The following ACOT9 variants were observed in gnomAD, a reference collection of about 807,000 sequenced individuals.
The protein encoded by ACOT9 is acyl-coenzyme A thioesterase 9, mitochondrial.
ACOT9 carries 34 observed loss-of-function variants against 39.7 expected under a neutral mutation model. The ratio of observed to expected loss-of-function variants is 0.86; its 90% CI spans 0.65 to 1.14. ACOT9 has a LOEUF of 1.14. ACOT9 is among the 50% of genes most tolerant of loss of function. The probability of loss-of-function intolerance (pLI) is 0.00; values close to 1 mark genes in which losing one functional copy is unlikely to be tolerated. For synonymous variants in ACOT9, 110 were observed against 120.5 expected, an observed-to-expected ratio of 0.91 and a Z score of 0.57; for missense variants, 313 against 344.1, an observed-to-expected ratio of 0.91 and a Z score of 0.71.
At chrX:23,713,578 G>A (rs1928979485) in intron 8 of ACOT9, among the ~76,000 whole-genome samples, 1 of 107,208 alleles carries the variant, frequency 9.3e-6, no homozygotes, top group Non-Finnish European at 1.9e-5. Context: ...AAAAAAGAGA[G>A]AGAGAGAGAG....
At chrX:23,719,939 C>G (rs1160962570) in intron 8 of ACOT9, among the ~76,000 whole-genome samples, 5 of 111,523 alleles carry the variant, frequency 4.5e-5, no homozygotes, top group Non-Finnish European at 9.4e-5. Context: ...TGGGTTCACG[C>G]CATTCTCCTG....
At position 23,707,634 on chromosome X, in the gene ACOT9, G is replaced by A. The variant is rs1005802519; in HGVS notation, c.730+243C>T. ...CACCTGTAGTCCCAGCTACTCAGGA[G>A]GCTGGGGCAGAAGAATCACTTGAAC... On this transcript the variant is annotated intron_variant, in intron 10 of 15. Coordinates refer to ENST00000379303, the MANE Select transcript of ACOT9 (RefSeq NM_001037171.2). The A allele has an allele frequency of 9.0e-5, 19 of 210,566 alleles. No homozygotes were observed. In the Admixed American group the frequency reaches 1.1e-3, roughly 12 times the overall value. The allele number at this position is 210,566 out of a possible 1,213,427, so 17.4% of individuals were successfully genotyped here.
rs1293379194 is a variant in ACOT9, at chrX:23,707,941, C to T, written c.666G>A (p.Pro222=). The part of the protein sequence containing the change: ...MVARDSENKG[P]AFVNPLIPES... The stretch of plus-strand genomic sequence containing the variant: ...CAGGGATGAGTGGATTTACAAATGC[C>T]GGCCTAAAAAGAAGAAAAAAAAGAA... The change falls in exon 10 of 16, where the codon CCG becomes CCA. Residue 222 remains proline (P), a synonymous_variant. Transcript: ENST00000379303. The T allele has an allele frequency of 5.0e-6, 6 of 1,193,880 alleles. No homozygotes were observed. In the African/African-American group the frequency reaches 5.3e-5, roughly 11 times the overall value.
At position 23,730,824 on chromosome X, in the gene ACOT9, G is replaced by A; in HGVS notation, c.354C>T (p.Asn118=). 8.3e-7 allele frequency: 1 copy of A among 1,204,025 alleles called. No homozygotes were observed. The highest frequency in any genetic ancestry group is 2.2e-5 in the Admixed American group (1 of 44,626). Reference sequence around the variant, plus strand: ...AAATAGCACTGTGTTACCTTACGGTGTTTTGAACAGTCAAATATTTCTCTC... The same window carrying A: ...AAATAGCACTGTGTTACCTTACGGTATTTTGAACAGTCAAATATTTCTCTC... ...ELREKYLTVQ[N]TVRFGRILED... Residue 118 remains asparagine, a synonymous_variant, in exon 5 of 16, where the codon AAC becomes AAT. Transcript: ENST00000379303.
At chrX:23,731,491 A>G (rs1446465514) in intron 4 of ACOT9, among the ~76,000 whole-genome samples, 2 of 107,730 alleles carry the variant, frequency 1.9e-5, no homozygotes, top group Non-Finnish European at 3.8e-5. Flanking sequence ...AAAAAAAAAA[A>G]AGAAAACTTA....
chrX:23,717,535 T>C (rs1156831160), intron 8 of ACOT9, among the ~76,000 whole-genome samples: 1 of 111,341 alleles, frequency 9.0e-6, no homozygotes, highest in Non-Finnish European at 1.9e-5. Flanking sequence ...GAAAGAATTC[T>C]GGTGAGTTGC....
chrX:23,735,846 CTA>C, intron 2 of ACOT9, 71 bp downstream of exon 2: 2 of 946,494 alleles, frequency 2.1e-6, no homozygotes, highest in Non-Finnish European at 3.0e-6. Flanking sequence ...AACTATCACT[CTA>C]TATACCTTTC....
chrX:23,717,858 C>CA (rs1448661065), intron 8 of ACOT9, among the ~76,000 whole-genome samples: 1 of 111,802 alleles, frequency 8.9e-6, no homozygotes, highest in Non-Finnish European at 1.9e-5. Context: ...GAGGCCGAGG[C>CA]AGGCGGATCA....
At chrX:23,719,170 T>G (rs1489055323) in intron 8 of ACOT9, among the ~76,000 whole-genome samples, 2 of 110,328 alleles carry the variant, frequency 1.8e-5, no homozygotes, top group African/African-American at 6.6e-5. Flanking sequence ...CTTGGGAGGC[T>G]GAGGCATGAG....
chrX:23,726,008 G>A (rs982769157), intron 6 of ACOT9, among the ~76,000 whole-genome samples: 2 of 109,562 alleles, frequency 1.8e-5, no homozygotes, highest in Non-Finnish European at 3.8e-5. Context: ...AGACCAGCCC[G>A]GCCAACATGG....
intron 1 of ACOT9, among the ~76,000 whole-genome samples, chrX:23,740,896 T>C (rs1028522640): frequency 9.1e-6 from 1 of 109,828 alleles, no homozygotes. Flanking sequence ...GCCTTTACTG[T>C]GGAGAGGCCT....
rs1928540176 is a variant in ACOT9, at chrX:23,703,208, G to A, written c.*686C>T. ...CGGCTGATGGGATTTAGACAGCACAGAGCAAGTGGTTAGGTTTAAAGAACG... is the reference window on the plus strand; with the variant it reads ...CGGCTGATGGGATTTAGACAGCACAAAGCAAGTGGTTAGGTTTAAAGAACG... On this transcript the variant is annotated 3_prime_UTR_variant, in exon 16 of 16. Coordinates refer to ENST00000379303, the MANE Select transcript of ACOT9 (RefSeq NM_001037171.2). The A allele has an allele frequency of 8.9e-6, 1 of 112,206 alleles. No individual in the cohort carries two copies. Among genetic ancestry groups the A allele is most frequent in the Non-Finnish European group, 1.9e-5 (1 of 53,344 alleles). The allele number at this position is 112,206 out of a possible 1,213,427, so 9.2% of individuals were successfully genotyped here.
intron 1 of ACOT9, among the ~76,000 whole-genome samples, chrX:23,737,969 C>T (rs903816496): frequency 1.9e-5 from 2 of 105,945 alleles, no homozygotes; most frequent in Non-Finnish European, 3.9e-5. Flanking sequence ...CCCGGGTTCA[C>T]GCCATTCTCC....
chrX:23,724,398 G>T (rs752952809), intron 6 of ACOT9, among the ~76,000 whole-genome samples: 1 of 111,893 alleles, frequency 8.9e-6, no homozygotes, highest in Non-Finnish European at 1.9e-5. Context: ...GCTTTGCAAG[G>T]CCATAGCAGG....
Position 23,707,876 on chromosome X carries a change from C to T in ACOT9, c.730+1G>A, listed in dbSNP as rs1229095202. 5 of 1,181,047 alleles carry T rather than the reference C, an allele frequency of 4.2e-6. No homozygotes were observed. Among genetic ancestry groups the T allele is most frequent in the Non-Finnish European group, 5.7e-6 (5 of 875,692 alleles). On this transcript the variant is annotated splice_donor_variant, in intron 10 of 15. Transcript: ENST00000379303. LOFTEE classifies it high-confidence loss of function. Reference sequence around the variant, plus strand: ...ATTTTATTATAAACAAATTAATGTACATTCCCCTTGTCTAAAGAGCTCCTC... The same window carrying T: ...ATTTTATTATAAACAAATTAATGTATATTCCCCTTGTCTAAAGAGCTCCTC...
chrX:23,711,415 C>G (rs1172267590), intron 9 of ACOT9, among the ~76,000 whole-genome samples: 5 of 112,312 alleles, frequency 4.5e-5, no homozygotes, highest in Non-Finnish European at 7.5e-5. Context: ...TCATCACTAG[C>G]TAGTGAACCA....
chrX:23,720,490 G>C (rs186614676), intron 8 of ACOT9, among the ~76,000 whole-genome samples: 6 of 111,526 alleles, frequency 5.4e-5, no homozygotes, highest in East Asian at 2.8e-4. Context: ...CCTGACAAGA[G>C]ACACCAGAGA....
At chrX:23,704,139 TCCTGTCC>T (rs1221047366) in intron 15 of ACOT9, among the ~76,000 whole-genome samples, 157 bp from the exon 16 acceptor site, 1 of 107,464 alleles carries the variant, frequency 9.3e-6, no homozygotes. Context: ...AGGCCATGAC[TCCTGTCC>T]CCTTCCTTTG....
At chrX:23,714,887 T>A (rs1929024167) in intron 8 of ACOT9, among the ~76,000 whole-genome samples, 1 of 111,535 alleles carries the variant, frequency 9.0e-6, no homozygotes, top group African/African-American at 3.3e-5. Flanking sequence ...AATGCTGGGA[T>A]TACAGGCATG....
Sources: gnomAD v4.1 joint callset for allele counts (sites outside exome capture counted in the v4.1 genomes callset) on GRCh38, gnomAD v4.1.1 for gene constraint, MANE v1.5 for transcripts, NCBI Gene and HGNC (gene_info 2026-07-23, HGNC 2026-07-21) for gene names.